STAC2: variants seen among roughly 807,000 people sequenced by gnomAD.
The protein encoded by STAC2 is SH3 and cysteine-rich domain-containing protein 2.
Under a neutral mutation model 49.0 loss-of-function variants are expected in STAC2, and 36 were observed. The ratio of observed to expected loss-of-function variants is 0.74; its 90% CI spans 0.56 to 0.97. The LOEUF is 0.97. Among genes scored for constraint, STAC2 ranks in the 50% least tolerant of loss-of-function variants. The pLI is 0.00. For synonymous variants in STAC2, 239 were observed against 214.7 expected (o/e 1.11, Z -0.99); for missense variants, 527 against 543.8 (o/e 0.97, Z 0.31).
intron 8 of STAC2, 47 bp from the exon 9 acceptor site, chr17:39,213,605 C>T (rs780529691): frequency 1.2e-6 from 2 of 1,603,150 alleles, no homozygotes; most frequent in Non-Finnish European, 1.7e-6. Context: ...GGAGTAGTGC[C>T]CCTCCCCATC....
chr17:39,217,287 G>A (rs2046414202), intron 2 of STAC2, 114 bp from the exon 3 acceptor site: 1 of 984,414 alleles, frequency 1.0e-6, no homozygotes, highest in South Asian at 1.4e-5. Flanking sequence ...CCAGCCTTGA[G>A]GCCCAGCACC....
chr17:39,212,771 T>C (rs983925287), intron 10 of STAC2, among the ~76,000 whole-genome samples: 2 of 152,146 alleles, frequency 1.3e-5, no homozygotes, highest in Admixed American at 6.5e-5. Flanking sequence ...TAACCCAAGC[T>C]CCCTCTAATG....
At chr17:39,213,850 T>G (rs1378598573) in intron 8 of STAC2, among the ~76,000 whole-genome samples, 1 of 151,978 alleles carries the variant, frequency 6.6e-6, no homozygotes, top group Non-Finnish European at 1.5e-5. Context: ...CTAATTTTTG[T>G]ATTTTTAGTA....
chr17:39,214,380 C>A, intron 7 of STAC2, 50 bp from the exon 8 acceptor site: 1 of 1,610,680 alleles, frequency 6.2e-7, no homozygotes, highest in Non-Finnish European at 8.5e-7. Context: ...CCCTCACTCC[C>A]CCCACTCTCC....
chr17:39,217,927 A>G lies in STAC2; in HGVS notation c.337T>C (p.Phe113Leu). ...AALKPVRLHSFQEHVFKRASP... is the reference protein window; with the variant it reads ...AALKPVRLHSLQEHVFKRASP... ...GCTCGCTTGAAGACATGTTCCTGGA[A>G]GCTGTGCAGCCTCACTGGTTTGAGC... The change falls in exon 2 of 11, where the codon TTC becomes CTC. Residue 113 changes from phenylalanine to leucine, a missense_variant. Coordinates refer to ENST00000333461, the MANE Select transcript of STAC2 (RefSeq NM_198993.5). 6.2e-7 allele frequency: 1 copy of G among 1,605,102 alleles called. No homozygotes were observed. Among genetic ancestry groups the G allele is most frequent in the Non-Finnish European group, 8.5e-7 (1 of 1,176,354 alleles).
intron 1 of STAC2, among the ~76,000 whole-genome samples, 174 bp from the exon 2 acceptor site, chr17:39,218,347 G>A (rs193295674): frequency 1.1e-4 from 16 of 151,750 alleles, no homozygotes; most frequent in East Asian, 7.7e-4. Flanking sequence ...AGGTCCCGAC[G>A]ACACTTCGCA....
In STAC2 at chr17:39,214,843, G is replaced by T. The variant is rs767782924; in HGVS notation, c.791C>A (p.Ala264Asp). 4.3e-6 allele frequency: 7 copies of T among 1,613,924 alleles called. No individual in the cohort carries two copies. In the Admixed American group the frequency reaches 1.0e-4, roughly 23 times the overall value. ...TCCTGGCCCTTCACTCTCTGCTGGG[G>T]CTGTGAATACTGGAGATGCTAGGGG... The part of the protein sequence containing the change: ...PGDSASPVFT[A>D]PAESEGPGPE... The change falls in exon 7 of 11, where the codon GCC (alanine) becomes GAC (aspartate). Residue 264 changes from alanine (A) to aspartate (D), a missense_variant. Transcript: ENST00000333461.
At position 39,225,643 on chromosome 17, in the gene STAC2, C is replaced by G; in HGVS notation, c.-141G>C. ...AGTTAGCCCCCGGCACGGCAGCCCC[C>G]AACCCGCGGGAGCGGGCAGAGAAAG... On this transcript the variant is annotated 5_prime_UTR_variant, in exon 1 of 11. Coordinates refer to ENST00000333461, the MANE Select transcript of STAC2 (RefSeq NM_198993.5). The surrounding 1 kb of genome is among the most constrained non-coding windows in gnomAD (Gnocchi z 8.2). The G allele has an allele frequency of 2.5e-6, 2 of 816,256 alleles. No homozygotes were observed. The highest frequency in any genetic ancestry group is 3.9e-6 in the Non-Finnish European group (2 of 506,462). The allele number at this position is 816,256 out of a possible 1,614,324, so 50.6% of individuals were successfully genotyped here.
At chr17:39,212,950 T>A in intron 10 of STAC2, 45 bp downstream of exon 10, 1 of 1,581,510 alleles carries the variant, frequency 6.3e-7, no homozygotes, top group Non-Finnish European at 8.6e-7. Context: ...CCCCGCCCAC[T>A]CCCTCCCTCC....
At chr17:39,215,307 G>T in intron 4 of STAC2, 77 bp from the exon 5 acceptor site, 1 of 1,485,092 alleles carries the variant, frequency 6.7e-7, no homozygotes, top group Non-Finnish European at 9.3e-7. Context: ...CATGCCCCAG[G>T]CTGAGCTTCC....
chr17:39,212,405 G>T lies in STAC2; in HGVS notation c.1132-9C>A. 1 of 1,597,586 alleles carries T rather than the reference G, an allele frequency of 6.3e-7. No individual in the cohort carries two copies. The highest frequency in any genetic ancestry group is 8.5e-7 in the Non-Finnish European group (1 of 1,170,188). ...CCCACGCCCACGCAGATCTGAGCCA[G>T]AGAGACATGGAGCTGAGGCCTGGCA... On this transcript the variant is annotated splice_polypyrimidine_tract_variant and intron_variant, in intron 10 of 10. Coordinates refer to ENST00000333461, the MANE Select transcript of STAC2 (RefSeq NM_198993.5).
intron 2 of STAC2, among the ~76,000 whole-genome samples, chr17:39,217,586 G>A (rs1030837627): frequency 6.6e-6 from 1 of 152,150 alleles, no homozygotes; most frequent in African/African-American, 2.4e-5. Flanking sequence ...AGCTGGGCAT[G>A]GTAGTGTGTG....
At chr17:39,219,337 C>T (rs376510935) in intron 1 of STAC2, among the ~76,000 whole-genome samples, 3 of 152,298 alleles carry the variant, frequency 2.0e-5, no homozygotes, top group East Asian at 3.9e-4. Context: ...TTCTCTGCCT[C>T]ACTCAGTTCA....
Position 39,217,898 on chromosome 17 carries a change from G to C in STAC2, c.366C>G (p.Ser122Arg). 1 of 1,606,870 alleles carries C rather than the reference G, an allele frequency of 6.2e-7. No individual in the cohort carries two copies. Among genetic ancestry groups the C allele is most frequent in the Non-Finnish European group, 8.5e-7 (1 of 1,177,330 alleles). ...SFQEHVFKRA[S>R]PCELCHQLIV... ...TGAGCTGGTGGCACAGCTCACAAGG[G>C]CTAGCTCGCTTGAAGACATGTTCCT... The change falls in exon 2 of 11, where the codon AGC (serine) becomes AGG (arginine). Residue 122 changes from serine to arginine, a missense_variant. Physicochemically the swap from Ser to Arg is moderately radical, Grantham distance 110 (BLOSUM62 -1). Transcript: ENST00000333461.
At position 39,215,199 on chromosome 17, in the gene STAC2, C is replaced by T; in HGVS notation, c.618G>A (p.Glu206=). 1 of 1,614,042 alleles carries T rather than the reference C, an allele frequency of 6.2e-7. No homozygotes were observed. The highest frequency in any genetic ancestry group is 1.1e-5 in the South Asian group (1 of 91,084). Residue 206 remains glutamate (E), a synonymous_variant, in exon 5 of 11, where the codon GAG becomes GAA. Coordinates refer to ENST00000333461, the MANE Select transcript of STAC2 (RefSeq NM_198993.5). ...GDSGKVDPVY[E]TLRYGTSLAL... ...CCAGGGAGGTGCCATAGCGCAGGGT[C>T]TCGTAGACAGGGTCCACCTTCCCAC... is the stretch of plus-strand genomic sequence containing the variant.
chr17:39,225,458 G>A lies in STAC2; in HGVS notation c.45C>T (p.Ala15=). 6.2e-7 allele frequency: 1 copy of A among 1,610,048 alleles called. No individual in the cohort carries two copies. The highest frequency in any genetic ancestry group is 2.2e-5 in the East Asian group (1 of 44,510). Reference sequence around the variant, plus strand: ...AGACGGTCCCTGGGGGGCTGTGGGTGGCCGCGTCATCCGGTTCGTTCTCCT... The same window carrying A: ...AGACGGTCCCTGGGGGGCTGTGGGTAGCCGCGTCATCCGGTTCGTTCTCCT... ...SEKENEPDDA[A]THSPPGTVSA... Residue 15 remains alanine, a synonymous_variant, in exon 1 of 11, where the codon GCC becomes GCT. Coordinates refer to ENST00000333461, the MANE Select transcript of STAC2 (RefSeq NM_198993.5). This position sits in a 1 kb window ranked among gnomAD's most constrained non-coding sequence, Gnocchi z 8.2.
intron 4 of STAC2, among the ~76,000 whole-genome samples, chr17:39,216,070 T>G (rs1196893414): frequency 3.9e-5 from 6 of 152,202 alleles, no homozygotes; most frequent in Non-Finnish European, 8.8e-5. Flanking sequence ...AGATCCTAAA[T>G]GGATGAACCC....
At chr17:39,221,802 A>G (rs1189195243) in intron 1 of STAC2, among the ~76,000 whole-genome samples, 1 of 151,188 alleles carries the variant, frequency 6.6e-6, no homozygotes, top group African/African-American at 2.4e-5. Context: ...CATCACCCTC[A>G]CCTCTCAGCT....
rs956138447 is a variant in STAC2, at chr17:39,215,035, G to A, written c.700-12C>T. Reference sequence around the variant, plus strand: ...TCATCCCGCTCACTCTAGGGACAGAGAGAGGAGAGGGCTCAGCCCCCGAGC... The same window carrying A: ...TCATCCCGCTCACTCTAGGGACAGAAAGAGGAGAGGGCTCAGCCCCCGAGC... On this transcript the variant is annotated splice_polypyrimidine_tract_variant and intron_variant, in intron 5 of 10. Coordinates refer to ENST00000333461, the MANE Select transcript of STAC2 (RefSeq NM_198993.5). 1.9e-6 allele frequency: 3 copies of A among 1,613,936 alleles called. No individual in the cohort carries two copies. The African/African-American group carries it at 4.0e-5, about 22-fold the overall frequency.
Sources: gnomAD v4.1 joint callset for allele counts (sites outside exome capture counted in the v4.1 genomes callset) on GRCh38, gnomAD v4.1.1 for gene constraint, Gnocchi (gnomAD v3.1) non-coding constraint, MANE v1.5 for transcripts, NCBI Gene and HGNC (gene_info 2026-07-23, HGNC 2026-07-21) for gene names.